The following FBXO15 variants were observed in gnomAD, a reference collection of about 807,000 sequenced individuals.
FBXO15 encodes F-box only protein 15.
In FBXO15, 30 loss-of-function variants were observed where a neutral mutation model predicts 49.5. The observed-to-expected ratio is 0.61, with a 90% CI of 0.45 to 0.82. The LOEUF (loss-of-function observed/expected upper bound fraction) is 0.82. Among genes scored for constraint, FBXO15 ranks in the 40% least tolerant of loss-of-function variants. The pLI, the probability that FBXO15 is intolerant of heterozygous loss-of-function variation, is 0.00. For missense variants in FBXO15, 591 were observed against 631.5 expected (o/e 0.94, Z 0.69); for synonymous variants, 250 against 232.7 (o/e 1.07, Z -0.68).
chr18:74,110,127 T>C (rs1913948787), intron 8 of FBXO15, among the ~76,000 whole-genome samples: 1 of 148,228 alleles, frequency 6.7e-6, no homozygotes, highest in South Asian at 2.1e-4. Flanking sequence ...AAAACAGTAG[T>C]AGTAATAATA....
chr18:74,077,989 G>A (rs1411989981), intron 9 of FBXO15, among the ~76,000 whole-genome samples: 1 of 152,122 alleles, frequency 6.6e-6, no homozygotes, highest in Non-Finnish European at 1.5e-5. Flanking sequence ...AGGAGGTGGA[G>A]CCCTGGGTCC....
intron 8 of FBXO15, among the ~76,000 whole-genome samples, chr18:74,116,552 T>A (rs187378616): frequency 5.4e-4 from 83 of 152,294 alleles, no homozygotes; most frequent in African/African-American, 1.8e-3. Context: ...GTTGAAGTTT[T>A]ATCCTTTCCA....
chr18:74,117,122 G>A (rs1242406706), intron 8 of FBXO15, among the ~76,000 whole-genome samples: 1 of 152,076 alleles, frequency 6.6e-6, no homozygotes, highest in Non-Finnish European at 1.5e-5. Context: ...CATTCTATTT[G>A]TATAATACTT....
intron 1 of FBXO15, among the ~76,000 whole-genome samples, chr18:74,142,534 A>T (rs1339869140): frequency 1.3e-5 from 2 of 152,108 alleles, no homozygotes; most frequent in Non-Finnish European, 2.9e-5. Flanking sequence ...TCTAGAGAGG[A>T]TCATTCCTTT....
chr18:74,087,269 A>G (rs890669637), intron 8 of FBXO15, among the ~76,000 whole-genome samples: 2 of 152,100 alleles, frequency 1.3e-5, no homozygotes, highest in African/African-American at 4.8e-5. Context: ...TCGGGTGTGC[A>G]TGTGGAGGTT....
intron 8 of FBXO15, among the ~76,000 whole-genome samples, chr18:74,085,104 T>A (rs1912681781): frequency 6.6e-6 from 1 of 151,958 alleles, no homozygotes; most frequent in Admixed American, 6.6e-5. Flanking sequence ...ACAAGCATAA[T>A]CCCAATAGGT....
chr18:74,106,153 ATG>A (rs1913752678), intron 8 of FBXO15, among the ~76,000 whole-genome samples: 1 of 152,134 alleles, frequency 6.6e-6, no homozygotes, highest in Admixed American at 6.5e-5. Context: ...TCTGTAGGCT[ATG>A]TGTAATTTTT....
intron 9 of FBXO15, among the ~76,000 whole-genome samples, chr18:74,079,044 CATAA>C (rs1912378235): frequency 1.3e-5 from 2 of 152,146 alleles, no homozygotes. Flanking sequence ...GCTGTTCTTA[CATAA>C]AGCAGAACCA....
At chr18:74,142,083 C>T (rs1272526918) in intron 1 of FBXO15, among the ~76,000 whole-genome samples, 1 of 152,204 alleles carries the variant, frequency 6.6e-6, no homozygotes, top group Non-Finnish European at 1.5e-5. Flanking sequence ...AAAAAAAATG[C>T]TGGCTCCACA....
chr18:74,131,846 A>T (rs1978413466), intron 3 of FBXO15, among the ~76,000 whole-genome samples: 1 of 152,244 alleles, frequency 6.6e-6, no homozygotes. Flanking sequence ...CCCACAGAGC[A>T]GTGGTCCTGA....
At chr18:74,124,169 T>C (rs917579513) in intron 7 of FBXO15, among the ~76,000 whole-genome samples, 1 of 152,188 alleles carries the variant, frequency 6.6e-6, no homozygotes, top group Non-Finnish European at 1.5e-5. Flanking sequence ...TGAGTCTACA[T>C]GCCTTACAAG....
intron 1 of FBXO15, among the ~76,000 whole-genome samples, chr18:74,146,533 A>C (rs1403396300): frequency 6.6e-6 from 1 of 152,222 alleles, no homozygotes; most frequent in African/African-American, 2.4e-5. Flanking sequence ...TTTTAGTAAT[A>C]GCAGCAAATT....
intron 2 of FBXO15, among the ~76,000 whole-genome samples, chr18:74,137,066 C>T (rs759355650): frequency 1.3e-5 from 2 of 152,174 alleles, no homozygotes; most frequent in African/African-American, 2.4e-5. Flanking sequence ...AGACAGTTAA[C>T]GTTATGCCTG....
intron 8 of FBXO15, among the ~76,000 whole-genome samples, chr18:74,095,011 T>C (rs1183333629): frequency 2.0e-5 from 3 of 152,262 alleles, no homozygotes; most frequent in Non-Finnish European, 4.4e-5. Flanking sequence ...TCTTGTTTTC[T>C]TAAACCTTAT....
At chr18:74,122,004 A>G (rs1233244421) in intron 8 of FBXO15, among the ~76,000 whole-genome samples, 1 of 152,180 alleles carries the variant, frequency 6.6e-6, no homozygotes, top group Non-Finnish European at 1.5e-5. Context: ...TGGAGTTTTC[A>G]CAGATGGAGT....
At chr18:74,079,731 C>T (rs1328862900) in intron 9 of FBXO15, among the ~76,000 whole-genome samples, 1 of 152,152 alleles carries the variant, frequency 6.6e-6, no homozygotes, top group African/African-American at 2.4e-5. Flanking sequence ...ACTAAAGATA[C>T]TTTCCACCTG....
rs1020093838 is a variant in FBXO15, at chr18:74,074,380, C to G, written c.1264-650G>C. Among the ~76,000 whole-genome samples the G allele has an allele frequency of 6.6e-6, 1 of 152,206 alleles. No homozygotes were observed. The highest frequency in any genetic ancestry group is 6.5e-5 in the Admixed American group (1 of 15,288). ...CAAGTGATCCCAACATCCGTGGGGA[C>G]CCTGGTGGAGCCTCCAGTATCCTGG... On this transcript the variant is annotated intron_variant, in intron 9 of 9. Transcript: ENST00000419743. This position sits in a 1 kb window ranked among gnomAD's most constrained non-coding sequence, Gnocchi z 4.7.
At chr18:74,106,263 C>T (rs1258461118) in intron 8 of FBXO15, among the ~76,000 whole-genome samples, 1 of 151,924 alleles carries the variant, frequency 6.6e-6, no homozygotes, top group African/African-American at 2.4e-5. Context: ...GTAGAACTTA[C>T]CATATTTACA....
chr18:74,134,660 G>A (rs370535246), intron 3 of FBXO15, among the ~76,000 whole-genome samples: 5 of 152,092 alleles, frequency 3.3e-5, no homozygotes, highest in African/African-American at 9.7e-5. Flanking sequence ...GAGCCACTGC[G>A]CCTGGCTGGA....
Sources: allele counts gnomAD v4.1 joint callset (sites outside exome capture counted in the v4.1 genomes callset), GRCh38; gene constraint gnomAD v4.1.1; non-coding constraint Gnocchi (gnomAD v3.1); transcripts MANE v1.5; gene names NCBI Gene and HGNC (gene_info 2026-07-23, HGNC 2026-07-21).